Variants in MAP4K3 observed in about 807,000 individuals in gnomAD.
MAP4K3 encodes the protein mitogen-activated protein kinase kinase kinase kinase 3.
MAP4K3 carries 94 observed loss-of-function variants against 143.5 expected under a neutral mutation model. The observed-to-expected ratio is 0.65, with a 90% CI of 0.55 to 0.78. The LOEUF is 0.78. Among genes scored for constraint, MAP4K3 ranks in the 30% least tolerant of loss-of-function variants. The pLI is 0.00. For missense variants in MAP4K3, 1,077 were observed against 1,068.1 expected (o/e 1.01, Z -0.12); for synonymous variants, 416 against 347.2 (o/e 1.20, Z -2.20).
intron 24 of MAP4K3, among the ~76,000 whole-genome samples, chr2:39,276,544 A>G (rs1375148276): frequency 6.6e-6 from 1 of 152,200 alleles, no homozygotes; most frequent in African/African-American, 2.4e-5. Context: ...CAGCCACTGA[A>G]TAGCTATGGA....
rs116033872 is a variant in MAP4K3, at chr2:39,294,994, G to A, written c.1179-1726C>T. Among the ~76,000 whole-genome samples the A allele has an allele frequency of 5.5e-3, 825 of 151,356 alleles. 4 individuals are homozygous for A. The highest frequency in any genetic ancestry group is 8.4e-3 in the Non-Finnish European group (569 of 67,892). On this transcript the variant is annotated intron_variant, in intron 16 of 33. Coordinates refer to ENST00000263881, the MANE Select transcript of MAP4K3 (RefSeq NM_003618.4). ...ACAGATTGAATGCAGTAGCAGACATGAGAATTTAGCTGTCTTCTATTAAGG... is the reference window on the plus strand; with the variant it reads ...ACAGATTGAATGCAGTAGCAGACATAAGAATTTAGCTGTCTTCTATTAAGG...
rs1455781292 is a variant in MAP4K3, at chr2:39,250,717, A to T, written c.2598-12T>A. ...CCAAAACCACGACCCTGAAAGTAATAAAAAACATATAACAAAACAAAGTTA... is the reference window on the plus strand; with the variant it reads ...CCAAAACCACGACCCTGAAAGTAATTAAAAACATATAACAAAACAAAGTTA... On this transcript the variant is annotated splice_polypyrimidine_tract_variant and intron_variant, in intron 33 of 33. Transcript: ENST00000263881. 1.2e-6 allele frequency: 2 copies of T among 1,607,324 alleles called. No homozygotes were observed. The highest frequency in any genetic ancestry group is 2.7e-5 in the African/African-American group (2 of 74,740).
intron 2 of MAP4K3, among the ~76,000 whole-genome samples, chr2:39,364,963 C>T (rs1374636230): frequency 6.6e-6 from 1 of 151,792 alleles, no homozygotes; most frequent in East Asian, 1.9e-4. Context: ...TTTGTCAGAC[C>T]TATGAAGTGC....
At chr2:39,428,568 C>T (rs1331054424) in intron 1 of MAP4K3, among the ~76,000 whole-genome samples, 2 of 151,486 alleles carry the variant, frequency 1.3e-5, no homozygotes, top group Admixed American at 1.3e-4. Context: ...CCCAGCTACT[C>T]GGGAGGCTGA....
intron 8 of MAP4K3, 70 bp downstream of exon 8, chr2:39,331,847 C>T: frequency 9.7e-7 from 1 of 1,026,666 alleles, no homozygotes. Flanking sequence ...TCTGACCAGT[C>T]TATTTTTTAG....
intron 1 of MAP4K3, among the ~76,000 whole-genome samples, chr2:39,380,788 C>T: frequency 6.6e-6 from 1 of 152,126 alleles, no homozygotes; most frequent in East Asian, 1.9e-4. Context: ...AAAGCTTTCA[C>T]TAAATACAGC....
At chr2:39,255,754 G>C (rs536730304) in intron 31 of MAP4K3, among the ~76,000 whole-genome samples, 15 of 152,254 alleles carry the variant, frequency 9.9e-5, no homozygotes, top group African/African-American at 3.6e-4. Context: ...TTGAAATCCT[G>C]GGCTCAAGCA....
intron 1 of MAP4K3, among the ~76,000 whole-genome samples, chr2:39,404,254 G>T (rs967520641): frequency 2.0e-5 from 3 of 151,086 alleles, no homozygotes; most frequent in Non-Finnish European, 4.4e-5. Flanking sequence ...GCCACAGTGG[G>T]GTAGAGCACC....
chr2:39,432,849 T>C (rs1435515628), intron 1 of MAP4K3, among the ~76,000 whole-genome samples: 1 of 152,204 alleles, frequency 6.6e-6, no homozygotes, highest in Non-Finnish European at 1.5e-5. Flanking sequence ...ATGTGAATCC[T>C]ACCTGGAAGC....
At chr2:39,398,418 A>C (rs1025098106) in intron 1 of MAP4K3, among the ~76,000 whole-genome samples, 2 of 152,106 alleles carry the variant, frequency 1.3e-5, no homozygotes, top group Non-Finnish European at 2.9e-5. Flanking sequence ...TTTTGCATAA[A>C]GTCTAAAGGA....
chr2:39,340,501 G>A (rs886253104), intron 4 of MAP4K3, among the ~76,000 whole-genome samples: 3 of 152,118 alleles, frequency 2.0e-5, no homozygotes, highest in African/African-American at 4.8e-5. Context: ...CAGTATTGAC[G>A]AATTCATATT....
intron 2 of MAP4K3, among the ~76,000 whole-genome samples, chr2:39,366,504 A>C (rs944138882): frequency 4.6e-5 from 7 of 152,172 alleles, no homozygotes; most frequent in Non-Finnish European, 7.3e-5. Flanking sequence ...TTGAGATGTA[A>C]GATCTGTACT....
chr2:39,289,375 C>T (rs924676493), intron 19 of MAP4K3, among the ~76,000 whole-genome samples: 6 of 152,122 alleles, frequency 3.9e-5, no homozygotes, highest in South Asian at 2.1e-4. Context: ...AAGACTCCAA[C>T]TCTCATTTGT....
chr2:39,331,765 C>A (rs1468919819), intron 8 of MAP4K3, 152 bp downstream of exon 8: 2 of 428,470 alleles, frequency 4.7e-6, no homozygotes. Flanking sequence ...GCCATGTAAT[C>A]CACCCATAAG....
intron 24 of MAP4K3, among the ~76,000 whole-genome samples, chr2:39,273,936 G>A (rs947252079): frequency 1.4e-5 from 2 of 143,648 alleles, no homozygotes; most frequent in African/African-American, 5.2e-5. Context: ...ATATCAGTAC[G>A]TGTTATCAAA....
intron 1 of MAP4K3, among the ~76,000 whole-genome samples, chr2:39,393,389 CA>C (rs1209950618): frequency 6.6e-6 from 1 of 152,110 alleles, no homozygotes; most frequent in East Asian, 1.9e-4. Context: ...TTCCATTTTA[CA>C]AGAGAATATA....
chr2:39,317,679 G>A (rs1683163287), intron 12 of MAP4K3, among the ~76,000 whole-genome samples: 1 of 152,062 alleles, frequency 6.6e-6, no homozygotes, highest in African/African-American at 2.4e-5. Context: ...AATCATTGGA[G>A]AAACACAAAT....
rs985769385 is a variant in MAP4K3, at chr2:39,396,155, G to A, written c.97-18032C>T. Among the ~76,000 whole-genome samples, 8 of 151,800 alleles carry A rather than the reference G, an allele frequency of 5.3e-5. No homozygotes were observed. In the East Asian group the frequency reaches 5.8e-4, roughly 11 times the overall value. On this transcript the variant is annotated intron_variant, in intron 1 of 33. Transcript: ENST00000263881. ...TGGGCTCAAACAATCTTCCTGCCTC[G>A]GACTCCGGAGCAGTTGGAACTACAG...
intron 1 of MAP4K3, among the ~76,000 whole-genome samples, chr2:39,389,086 T>C (rs549506660): frequency 3.3e-5 from 5 of 152,262 alleles, no homozygotes; most frequent in African/African-American, 1.2e-4. Flanking sequence ...ATTAAATACA[T>C]AGGACAGATT....
Sources: allele counts gnomAD v4.1 joint callset (sites outside exome capture counted in the v4.1 genomes callset), GRCh38; gene constraint gnomAD v4.1.1; transcripts MANE v1.5; gene names NCBI Gene and HGNC (gene_info 2026-07-23, HGNC 2026-07-21).